EIF4G3: variants seen among roughly 807,000 people sequenced by gnomAD.
EIF4G3 encodes eIF-4-gamma 3.
In EIF4G3, 34 loss-of-function variants were observed where a neutral mutation model predicts 186.4. That is an observed-to-expected ratio of 0.18 (90% CI 0.14 to 0.24). The LOEUF is 0.24. Ranked by LOEUF, EIF4G3 falls within the 10% of genes least tolerant of loss-of-function variation. The pLI, the probability that EIF4G3 is intolerant of heterozygous loss-of-function variation, is 1.00. For synonymous variants in EIF4G3, 673 were observed against 679.5 expected (o/e 0.99, Z 0.15); for missense variants, 1,536 against 1,948.5 (o/e 0.79, Z 3.99).
chr1:20,983,365 A>G (rs1372610739), intron 7 of EIF4G3, among the ~76,000 whole-genome samples: 1 of 152,204 alleles, frequency 6.6e-6, no homozygotes, highest in Admixed American at 6.5e-5. Flanking sequence ...CAATACAACT[A>G]CAGGAACCAT....
intron 3 of EIF4G3, among the ~76,000 whole-genome samples, chr1:21,086,811 G>A (rs1326498998): frequency 6.6e-6 from 1 of 151,856 alleles, no homozygotes; most frequent in Non-Finnish European, 1.5e-5. Context: ...GTGGTGATGT[G>A]CACCTGTAAT....
intron 2 of EIF4G3, among the ~76,000 whole-genome samples, chr1:21,113,273 T>C (rs568097580): frequency 1.8e-4 from 28 of 152,172 alleles, no homozygotes; most frequent in African/African-American, 6.5e-4. Context: ...AGCTGAATTC[T>C]TGTTTTCTTT....
intron 11 of EIF4G3, 140 bp downstream of exon 11, chr1:20,972,862 T>C: frequency 1.7e-6 from 1 of 600,398 alleles, no homozygotes; most frequent in Non-Finnish European, 2.8e-6. Flanking sequence ...CCAGGTGAAG[T>C]GGTGTGACTA....
chr1:20,927,346 G>A (rs1162689097), intron 14 of EIF4G3, among the ~76,000 whole-genome samples: 6 of 152,330 alleles, frequency 3.9e-5, no homozygotes, highest in African/African-American at 1.4e-4. Flanking sequence ...AAGCTAGGAT[G>A]AAATAATGAT....
chr1:21,086,710 TG>T (rs1384427110), intron 3 of EIF4G3, among the ~76,000 whole-genome samples: 4 of 151,844 alleles, frequency 2.6e-5, no homozygotes, highest in Admixed American at 2.6e-4. Context: ...AAGGTCAAGG[TG>T]GGCGGATCAC....
intron 7 of EIF4G3, among the ~76,000 whole-genome samples, chr1:20,985,330 A>C (rs1394613749): frequency 6.6e-6 from 1 of 152,188 alleles, no homozygotes; most frequent in Non-Finnish European, 1.5e-5. Flanking sequence ...ACTTGTTCAT[A>C]TGCTAAAAGC....
chr1:21,053,606 C>A (rs2094403990), intron 3 of EIF4G3, among the ~76,000 whole-genome samples: 1 of 141,618 alleles, frequency 7.1e-6, no homozygotes, highest in Non-Finnish European at 1.6e-5. Context: ...GGGGTCAGCC[C>A]CCCGCCCGGC....
rs1208056689 is a variant in EIF4G3, at chr1:20,807,508, G to A, written c.4745-8C>T. Reference sequence around the variant, plus strand: ...AAAACATCCGCAGCAAATCTGCAAGGAGGTGAAAATAAACTATAAGCTTTG... The same window carrying A: ...AAAACATCCGCAGCAAATCTGCAAGAAGGTGAAAATAAACTATAAGCTTTG... On this transcript the variant is annotated splice_polypyrimidine_tract_variant and splice_region_variant and intron_variant, in intron 36 of 36. Coordinates refer to ENST00000602326, the MANE Select transcript of EIF4G3 (RefSeq NM_001391906.1). 5 of 1,576,970 alleles carry A rather than the reference G, an allele frequency of 3.2e-6. No individual in the cohort carries two copies. The highest frequency in any genetic ancestry group is 4.3e-6 in the Non-Finnish European group (5 of 1,154,970).
At chr1:21,129,015 T>C (rs931444705) in intron 2 of EIF4G3, among the ~76,000 whole-genome samples, 3 of 152,016 alleles carry the variant, frequency 2.0e-5, no homozygotes, top group African/African-American at 7.3e-5. Context: ...AGATGGTCGG[T>C]TGTAATACAA....
chr1:21,105,307 G>T (rs1267829305), intron 2 of EIF4G3, among the ~76,000 whole-genome samples: 1 of 152,182 alleles, frequency 6.6e-6, no homozygotes, highest in African/African-American at 2.4e-5. Flanking sequence ...GCGCAAGCCT[G>T]TAATCCCAGC....
In EIF4G3 at chr1:20,807,205, A is replaced by C; in HGVS notation, c.*114T>G. 1 of 914,032 alleles carries C rather than the reference A, an allele frequency of 1.1e-6. No homozygotes were observed. The highest frequency in any genetic ancestry group is 2.6e-5 in the East Asian group (1 of 39,154). The allele number at this position is 914,032 out of a possible 1,614,324, so 56.6% of individuals were successfully genotyped here. A position where few individuals can be genotyped will look rare whatever the true frequency, so the allele number is the denominator to read the frequency against. ...TCTTTCCCCTCTCCCACTCGTGCAC[A>C]CGTGGGGGTTTCTGCGAGAATTGGC... On this transcript the variant is annotated 3_prime_UTR_variant, in exon 37 of 37. Transcript: ENST00000602326.
rs192954746 is a variant in EIF4G3 at position 20,997,668 on chromosome 1, A to T, written c.145-35T>A. 12 of 1,512,766 alleles carry T rather than the reference A, an allele frequency of 7.9e-6. No individual in the cohort carries two copies. In the East Asian group the frequency reaches 3.0e-4, roughly 38 times the overall value. The allele number at this position is 1,512,766 out of a possible 1,614,324, so 93.7% of individuals were successfully genotyped here. On this transcript the variant is annotated intron_variant, in intron 6 of 36. Transcript: ENST00000602326. ...GGAGGGAAAACAAACACAAAAGGAA[A>T]GGCACAAAGAGTCAGAAACACCACA...
chr1:20,937,662 C>A (rs1284545206), intron 14 of EIF4G3, among the ~76,000 whole-genome samples: 1 of 152,090 alleles, frequency 6.6e-6, no homozygotes, highest in Non-Finnish European at 1.5e-5. Context: ...AGTCACAATT[C>A]TTTTAAAAAG....
intron 16 of EIF4G3, among the ~76,000 whole-genome samples, chr1:20,899,482 TA>T (rs1572408356): frequency 6.6e-6 from 1 of 152,180 alleles, no homozygotes; most frequent in Admixed American, 6.5e-5. Flanking sequence ...CCAATGCCAG[TA>T]AAAGGGGAAT....
At chr1:21,149,337 T>TA (rs1461788794) in intron 2 of EIF4G3, among the ~76,000 whole-genome samples, 1 of 152,212 alleles carries the variant, frequency 6.6e-6, no homozygotes, top group Non-Finnish European at 1.5e-5. Flanking sequence ...AGTAAACTGT[T>TA]ATTCTTTTTT....
intron 4 of EIF4G3, among the ~76,000 whole-genome samples, chr1:21,012,735 C>T (rs183462776): frequency 1.3e-5 from 2 of 152,276 alleles, no homozygotes; most frequent in Non-Finnish European, 2.9e-5. Flanking sequence ...ACGTGCAGCT[C>T]CCACTTGGAT....
At chr1:21,170,991 TAAA>T (rs5772940) in intron 2 of EIF4G3, among the ~76,000 whole-genome samples, 1 of 149,016 alleles carries the variant, frequency 6.7e-6, no homozygotes, top group Admixed American at 6.7e-5. Flanking sequence ...AAAAATAAAT[TAAA>T]AAAAAAAAAA....
chr1:20,974,267 A>G (rs539526872), intron 10 of EIF4G3, among the ~76,000 whole-genome samples: 8 of 152,222 alleles, frequency 5.3e-5, no homozygotes, highest in Non-Finnish European at 8.8e-5. Flanking sequence ...ACAAGACTAG[A>G]TAACTCAGGA....
rs548062742 is a variant in EIF4G3, at chr1:20,981,890, ACT to A, written c.198+496_198+497del. Among the ~76,000 whole-genome samples, 276 of 152,206 alleles carry A rather than the reference ACT, an allele frequency of 1.8e-3. 1 individual carries two copies. The highest frequency in any genetic ancestry group is 6.3e-3 in the African/African-American group (261 of 41,548). On this transcript the variant is annotated intron_variant, in intron 8 of 36. Transcript: ENST00000602326. ...ATTTCTCTATTATATAAAAGAACTG[ACT>A]CTGATAAAGAGTAAGTGGTTCATTA...
Sources: gnomAD v4.1 joint callset for allele counts (sites outside exome capture counted in the v4.1 genomes callset) on GRCh38, gnomAD v4.1.1 for gene constraint, MANE v1.5 for transcripts, NCBI Gene and HGNC (gene_info 2026-07-23, HGNC 2026-07-21) for gene names.